Variants in MMP16 observed in about 807,000 individuals in gnomAD.
The protein encoded by MMP16 is matrix metalloproteinase-16.
MMP16 carries 12 observed loss-of-function variants against 67.8 expected under a neutral mutation model. The ratio of observed to expected loss-of-function variants is 0.18; its 90% CI spans 0.11 to 0.29. The LOEUF (loss-of-function observed/expected upper bound fraction) is 0.29. Ranked by LOEUF, MMP16 falls within the 10% of genes least tolerant of loss-of-function variation. The probability of loss-of-function intolerance (pLI) is 1.00; values close to 1 mark genes in which losing one functional copy is unlikely to be tolerated. For synonymous variants in MMP16, 249 were observed against 255.9 expected (o/e 0.97, Z 0.26); for missense variants, 475 against 765.7 (o/e 0.62, Z 4.48).
intron 1 of MMP16, among the ~76,000 whole-genome samples, chr8:88,278,408 T>C (rs1361409762): frequency 1.3e-5 from 2 of 152,218 alleles, no homozygotes; most frequent in African/African-American, 4.8e-5. Context: ...AATATTTTCA[T>C]GCAGGTTCCT....
At chr8:88,076,416 A>G (rs1477447649) in intron 6 of MMP16, among the ~76,000 whole-genome samples, 2 of 151,974 alleles carry the variant, frequency 1.3e-5, no homozygotes, top group Non-Finnish European at 2.9e-5. Flanking sequence ...TCTCTTGTTC[A>G]TTGTTTCCTC....
chr8:88,186,418 C>G lies in MMP16; in HGVS notation c.404+58G>C, dbSNP rs535067225. ...GTGCAGAAGATACTAAACTATGTGT[C>G]AAAACAAATAGTAATGAAATATGGG... is the stretch of plus-strand genomic sequence containing the variant. On this transcript the variant is annotated intron_variant, in intron 3 of 9. Coordinates refer to ENST00000286614, the MANE Select transcript of MMP16 (RefSeq NM_005941.5). 5.1e-4 allele frequency: 811 copies of G among 1,598,604 alleles called. 4 individuals carry two copies. The highest frequency in any genetic ancestry group is 4.9e-5 in the Non-Finnish European group (57 of 1,167,630).
Position 88,268,379 on chromosome 8 carries a change from A to C in MMP16, c.132+58696T>G, listed in dbSNP as rs192677718. Among the ~76,000 whole-genome samples, 360 of 152,248 alleles carry C rather than the reference A, an allele frequency of 2.4e-3. 2 individuals carry two copies. In the Middle Eastern group the frequency reaches 0.027, roughly 12 times the overall value. ...CAAAACTAAAACCAAAACCAAAAAC[A>C]ACAAAAAAATTCATTCATTCGTCTA... is the stretch of plus-strand genomic sequence containing the variant. On this transcript the variant is annotated intron_variant, in intron 1 of 9. Transcript: ENST00000286614.
intron 1 of MMP16, among the ~76,000 whole-genome samples, chr8:88,303,533 C>T (rs1026012629): frequency 6.6e-6 from 1 of 152,190 alleles, no homozygotes; most frequent in Non-Finnish European, 1.5e-5. Context: ...ACAGGGGTCT[C>T]CAGACACCTC....
rs1809272163 is a variant in MMP16, at chr8:88,197,288, C to T, written c.151G>A (p.Gly51Ser). The change falls in exon 2 of 10, where the codon GGC becomes AGC. Residue 51 changes from glycine to serine, a missense_variant. Transcript: ENST00000286614. ...FNVEVWLQKY[G>S]YLPPTDPRMS... ...CTGGGGTCAGTCGGTGGAAGGTAGC[C>T]GTACTTTTGTAACCAAACCTGCAAT... 3 of 1,564,768 alleles carry T rather than the reference C, an allele frequency of 1.9e-6. No individual in the cohort carries two copies. The highest frequency in any genetic ancestry group is 2.3e-5 in the East Asian group (1 of 42,978).
rs552325470 is a variant in MMP16, at chr8:88,219,831, T to C, written c.133-22525A>G. ...TTTTCGTGTATTGAATCCGAAGAGC[T>C]TTGAATTTTTGAGTTGAATTTTTCA... On this transcript the variant is annotated intron_variant, in intron 1 of 9. Coordinates refer to ENST00000286614, the MANE Select transcript of MMP16 (RefSeq NM_005941.5). Among the ~76,000 whole-genome samples the C allele has an allele frequency of 2.6e-5, 4 of 152,280 alleles. No individual in the cohort carries two copies. In the East Asian group the frequency reaches 7.7e-4, roughly 29 times the overall value.
At chr8:88,235,027 C>T (rs1292317818) in intron 1 of MMP16, among the ~76,000 whole-genome samples, 3 of 152,102 alleles carry the variant, frequency 2.0e-5, no homozygotes, top group Non-Finnish European at 4.4e-5. Context: ...TTAGCTTCTC[C>T]ATCTTCTTGA....
chr8:88,061,163 CACACACA>C (rs1303597842), intron 7 of MMP16, among the ~76,000 whole-genome samples: 2 of 140,824 alleles, frequency 1.4e-5, no homozygotes, highest in African/African-American at 5.0e-5. Context: ...CACACACACA[CACACACA>C]CCCCTCATCC....
intron 1 of MMP16, among the ~76,000 whole-genome samples, chr8:88,246,440 C>A (rs1355053101): frequency 2.0e-5 from 3 of 152,164 alleles, no homozygotes; most frequent in Non-Finnish European, 4.4e-5. Context: ...TGTGGCCAAT[C>A]TGGTCACCTT....
chr8:88,065,571 C>T (rs1245322859), intron 7 of MMP16, among the ~76,000 whole-genome samples: 1 of 151,948 alleles, frequency 6.6e-6, no homozygotes, highest in African/African-American at 2.4e-5. Flanking sequence ...ACCAAGACTA[C>T]TAAATATAAA....
chr8:88,295,628 A>C (rs1420568689), intron 1 of MMP16, among the ~76,000 whole-genome samples: 2 of 146 alleles, frequency 0.014, no homozygotes, highest in Non-Finnish European at 0.04. Flanking sequence ...GATTTCATTA[A>C]AGAAAGATTT....
chr8:88,158,903 C>T (rs1808562973), intron 4 of MMP16, among the ~76,000 whole-genome samples: 1 of 152,282 alleles, frequency 6.6e-6, no homozygotes, highest in South Asian at 2.1e-4. Context: ...GTTTTCCCAG[C>T]ACCATTTATT....
intron 4 of MMP16, among the ~76,000 whole-genome samples, chr8:88,123,410 G>A (rs1258321665): frequency 6.6e-6 from 1 of 151,244 alleles, no homozygotes; most frequent in Non-Finnish European, 1.5e-5. Context: ...TGTCTCCTGT[G>A]TTTTTTCAAA....
chr8:88,159,166 T>C (rs941105470), intron 4 of MMP16, among the ~76,000 whole-genome samples: 1 of 152,204 alleles, frequency 6.6e-6, no homozygotes, highest in African/African-American at 2.4e-5. Context: ...TTTGGGTCCA[T>C]ATGAACTTTA....
chr8:88,071,636 T>C (rs1446335641), intron 7 of MMP16, among the ~76,000 whole-genome samples: 1 of 152,132 alleles, frequency 6.6e-6, no homozygotes, highest in African/African-American at 2.4e-5. Context: ...ATGGCTGGTA[T>C]AGGTTGACAC....
At chr8:88,078,626 C>T (rs934435739) in intron 6 of MMP16, among the ~76,000 whole-genome samples, 1 of 151,908 alleles carries the variant, frequency 6.6e-6, no homozygotes, top group African/African-American at 2.4e-5. Context: ...TGCAGTGGGC[C>T]GAGATTGTGC....
chr8:88,141,708 C>T (rs1038858355), intron 4 of MMP16, among the ~76,000 whole-genome samples: 15 of 152,096 alleles, frequency 9.9e-5, no homozygotes, highest in African/African-American at 3.6e-4. Context: ...TTCACCATTA[C>T]TTTCATAGTT....
At chr8:88,316,402 G>A (rs1811375114) in intron 1 of MMP16, among the ~76,000 whole-genome samples, 1 of 152,060 alleles carries the variant, frequency 6.6e-6, no homozygotes, top group Non-Finnish European at 1.5e-5. Context: ...AATGCAGCTG[G>A]CAACTTTAAG....
intron 1 of MMP16, among the ~76,000 whole-genome samples, chr8:88,201,961 G>C (rs2129793518): frequency 6.6e-6 from 1 of 152,162 alleles, no homozygotes; most frequent in South Asian, 2.1e-4. Flanking sequence ...CTACCTATTA[G>C]CCAAAAAATT....
Sources: allele counts gnomAD v4.1 joint callset (sites outside exome capture counted in the v4.1 genomes callset), GRCh38; gene constraint gnomAD v4.1.1; transcripts MANE v1.5; gene names NCBI Gene and HGNC (gene_info 2026-07-23, HGNC 2026-07-21).